The following LUC7L2 variants were observed in gnomAD, a reference collection of about 807,000 sequenced individuals.
The protein encoded by LUC7L2 is LUC7 like 2, pre-mRNA splicing factor.
A neutral mutation model predicts 52.8 loss-of-function variants in LUC7L2; 25 were observed. The observed-to-expected ratio is 0.47, with a 90% CI of 0.34 to 0.66. The LOEUF is 0.66. Ranked by LOEUF, LUC7L2 falls within the 30% of genes least tolerant of loss-of-function variation. The probability of loss-of-function intolerance (pLI) is 0.01; values close to 1 mark genes in which losing one functional copy is unlikely to be tolerated. For missense variants in LUC7L2, 328 were observed against 497.8 expected (o/e 0.66, Z 3.25); for synonymous variants, 144 against 160.9 (o/e 0.89, Z 0.80).
rs536151952 is a variant in LUC7L2, at chr7:139,387,359, A to G, written c.156+11203A>G. Among the ~76,000 whole-genome samples, 6 of 150,780 alleles carry G rather than the reference A, an allele frequency of 4.0e-5. No homozygotes were observed. In the South Asian group the frequency reaches 1.3e-3, roughly 32 times the overall value. ...CAGGCGCCTGCCACCACGCCTGGCT[A>G]TTTTTTCGTATATTCAGTAGAGACA... On this transcript the variant is annotated intron_variant, in intron 2 of 9. Coordinates refer to ENST00000354926, the MANE Select transcript of LUC7L2 (RefSeq NM_016019.5).
intron 2 of LUC7L2, among the ~76,000 whole-genome samples, chr7:139,388,099 C>T (rs1477199912): frequency 1.3e-5 from 2 of 152,142 alleles, no homozygotes; most frequent in Admixed American, 6.5e-5. Context: ...ACAATTTAGC[C>T]TCTGAACCCC....
chr7:139,355,925 G>A (rs1482078732), upstream of LUC7L2, among the ~76,000 whole-genome samples: 4 of 152,180 alleles, frequency 2.6e-5, no homozygotes, highest in African/African-American at 9.6e-5. Context: ...GCATGATAAA[G>A]TAGCCAGCTA....
chr7:139,420,118 CATCT>C (rs376617507), intron 9 of LUC7L2, among the ~76,000 whole-genome samples: 16 of 152,194 alleles, frequency 1.1e-4, no homozygotes, highest in African/African-American at 3.6e-4. Flanking sequence ...GGACCATTTG[CATCT>C]ATCTATCTTT....
intron 2 of LUC7L2, among the ~76,000 whole-genome samples, chr7:139,379,070 T>C (rs1470465576): frequency 2.0e-5 from 3 of 152,232 alleles, no homozygotes; most frequent in African/African-American, 7.2e-5. Flanking sequence ...TTGGTCGGGC[T>C]GGTCTTGAAC....
upstream of LUC7L2, among the ~76,000 whole-genome samples, chr7:139,358,312 T>A (rs1309932054): frequency 1.3e-5 from 2 of 152,218 alleles, no homozygotes; most frequent in Admixed American, 6.5e-5. Context: ...CCAGCCGCAA[T>A]ATACATTTAA....
intron 2 of LUC7L2, among the ~76,000 whole-genome samples, chr7:139,395,531 A>T (rs1794622634): frequency 6.6e-6 from 1 of 152,240 alleles, no homozygotes; most frequent in Non-Finnish European, 1.5e-5. Flanking sequence ...AACAGTGATG[A>T]GTCCTCATTA....
chr7:139,402,333 AAGAG>A, intron 4 of LUC7L2, 86 bp downstream of exon 4: 2 of 1,303,670 alleles, frequency 1.5e-6, no homozygotes, highest in Non-Finnish European at 2.0e-6. Flanking sequence ...TTAGATTTGC[AAGAG>A]ATTGCAAAGA....
In LUC7L2 at chr7:139,379,549, C is replaced by CTTTTTTT. The variant is rs539771697; in HGVS notation, c.156+3425_156+3431dup. On this transcript the variant is annotated intron_variant, in intron 2 of 9. Coordinates refer to ENST00000354926, the MANE Select transcript of LUC7L2 (RefSeq NM_016019.5). ...TTTCATTATTCTAGTATAACTAATG[C>CTTTTTTT]TTTTTTTTTTTTTTTTTTTTTTTTT... Among the ~76,000 whole-genome samples the CTTTTTTT allele has an allele frequency of 4.6e-4, 24 of 52,722 alleles. 4 individuals carry two copies. The highest frequency in any genetic ancestry group is 7.9e-4 in the South Asian group (1 of 1,258). 34.6% of individuals were successfully genotyped at this position (52,722 alleles called of 152,430 possible). A position where few individuals can be genotyped will look rare whatever the true frequency, so the allele number is the denominator to read the frequency against.
At chr7:139,378,315 T>A (rs1800823346) in intron 2 of LUC7L2, among the ~76,000 whole-genome samples, 1 of 152,052 alleles carries the variant, frequency 6.6e-6, no homozygotes, top group Non-Finnish European at 1.5e-5. Flanking sequence ...AATTACTACT[T>A]GAGATAAATT....
At chr7:139,391,452 T>A (rs1794445060) in intron 2 of LUC7L2, among the ~76,000 whole-genome samples, 1 of 152,196 alleles carries the variant, frequency 6.6e-6, no homozygotes, top group East Asian at 1.9e-4. Flanking sequence ...TTACTACTAT[T>A]AATTTACACT....
chr7:139,417,805 T>C (rs914791826), intron 9 of LUC7L2, 76 bp downstream of exon 9: 18 of 1,509,848 alleles, frequency 1.2e-5, no homozygotes, highest in African/African-American at 7.0e-5. Flanking sequence ...ATGTTACTTA[T>C]GTTTAGAGTT....
Position 139,405,599 on chromosome 7 carries a change from T to C in LUC7L2, c.367-45T>C, listed in dbSNP as rs78827100. 3,588 of 1,536,082 alleles carry C rather than the reference T, an allele frequency of 2.3e-3. 82 individuals carry two copies. In the African/African-American group the frequency reaches 0.044, roughly 19 times the overall value. On this transcript the variant is annotated intron_variant, in intron 4 of 9. Coordinates refer to ENST00000354926, the MANE Select transcript of LUC7L2 (RefSeq NM_016019.5). ...TCTGAAATACTTTGAAATTTAAAAT[T>C]CATTCTCTTGTTTATTCATGATCTT...
At chr7:139,345,357 T>G (rs929116793) in intron 1 of LUC7L2, 16 of 1,280,452 alleles carry the variant, frequency 1.2e-5, no homozygotes, top group Non-Finnish European at 1.6e-5. Flanking sequence ...TATAGATGTA[T>G]TAAGTATACA....
intron 1 of LUC7L2, chr7:139,340,588 C>T (rs1417574552): frequency 2.5e-6 from 1 of 397,404 alleles, no homozygotes; most frequent in African/African-American, 2.1e-5. Context: ...TCACCCCTCA[C>T]GTGGGCGCTA....
intron 1 of LUC7L2, among the ~76,000 whole-genome samples, chr7:139,365,372 A>G (rs1397752843): frequency 6.6e-6 from 1 of 152,202 alleles, no homozygotes; most frequent in African/African-American, 2.4e-5. Context: ...CTATTTCTGC[A>G]TCAGTTCTAT....
At chr7:139,380,512 A>G (rs542574134) in intron 2 of LUC7L2, among the ~76,000 whole-genome samples, 1 of 152,290 alleles carries the variant, frequency 6.6e-6, no homozygotes, top group East Asian at 1.9e-4. Flanking sequence ...AGGCAGGAGA[A>G]TCGCTCAAAC....
At chr7:139,374,965 G>T (rs913660936) in intron 1 of LUC7L2, 35 of 986,442 alleles carry the variant, frequency 3.5e-5, no homozygotes, top group Non-Finnish European at 4.2e-5. Context: ...AAATACAGAG[G>T]TATTTATATC....
chr7:139,417,269 G>A (rs1795664115), intron 8 of LUC7L2: 1 of 332,678 alleles, frequency 3.0e-6, no homozygotes, highest in South Asian at 4.2e-5. Context: ...TTGAAATCCT[G>A]AGCTCAAGCG....
chr7:139,364,028 C>T (rs1020621438), intron 1 of LUC7L2, among the ~76,000 whole-genome samples: 49 of 125,212 alleles, frequency 3.9e-4, no homozygotes, highest in Non-Finnish European at 7.3e-4. Flanking sequence ...GTTGCCCAGG[C>T]TGGAGTGCAG....
Sources: allele counts gnomAD v4.1 joint callset (sites outside exome capture counted in the v4.1 genomes callset), GRCh38; gene constraint gnomAD v4.1.1; transcripts MANE v1.5; gene names NCBI Gene and HGNC (gene_info 2026-07-23, HGNC 2026-07-21).